GRAMD1C: variants seen among roughly 807,000 people sequenced by gnomAD.
GRAMD1C encodes the protein GRAM domain containing 1C.
In GRAMD1C, 89 loss-of-function variants were observed where a neutral mutation model predicts 97.8. The ratio of observed to expected loss-of-function variants is 0.91; its 90% CI spans 0.77 to 1.09. The LOEUF is 1.09. GRAMD1C is among the 50% of genes least tolerant of loss of function. The pLI, the probability that GRAMD1C is intolerant of heterozygous loss-of-function variation, is 0.00. For missense variants in GRAMD1C, 740 were observed against 766.4 expected (o/e 0.97, Z 0.41); for synonymous variants, 256 against 267.0 (o/e 0.96, Z 0.40).
In GRAMD1C at chr3:113,930,733, G is replaced by A; in HGVS notation, c.1110G>A (p.Trp370Ter). Reference sequence around the variant, plus strand: ...TGTTAGATGTAGTATCTACCCCTTGGACTGCAGAACTTGGAGGTGATCAGC... The same window carrying A: ...TGTTAGATGTAGTATCTACCCCTTGAACTGCAGAACTTGGAGGTGATCAGC... The part of the protein sequence containing the change: ...RNIIDVVSTP[W>*]TAELGGDQLR... The change falls in exon 11 of 18, where the codon TGG (tryptophan) becomes TGA (stop). Residue 370 changes from tryptophan (W) to a stop codon, truncating the protein, a stop_gained. Coordinates refer to ENST00000358160, the MANE Select transcript of GRAMD1C (RefSeq NM_017577.5). LOFTEE classifies it high-confidence loss of function. 6.3e-7 allele frequency: 1 copy of A among 1,597,792 alleles called. No individual in the cohort carries two copies. The highest frequency in any genetic ancestry group is 8.6e-7 in the Non-Finnish European group (1 of 1,165,108).
chr3:113,871,667 C>A (rs13098409), intron 3 of GRAMD1C, among the ~76,000 whole-genome samples: 45,749 of 146,272 alleles, frequency 0.31, 7,907 homozygotes, highest in Admixed American at 0.4. Flanking sequence ...ATGGTGTGAA[C>A]CTGGGAGGCG....
chr3:113,919,984 G>T (rs1025750358), intron 10 of GRAMD1C: 1 of 669,444 alleles, frequency 1.5e-6, no homozygotes, highest in Non-Finnish European at 2.8e-6. Flanking sequence ...AGTGGGATAT[G>T]ACCCTACTCC....
chr3:113,884,924 C>T (rs1460615503), intron 6 of GRAMD1C, among the ~76,000 whole-genome samples: 6 of 135,448 alleles, frequency 4.4e-5, no homozygotes, highest in African/African-American at 1.7e-4. Flanking sequence ...TCCCTTTTCC[C>T]TTCCTCCCTT....
chr3:113,911,973 C>T (rs9842897), intron 9 of GRAMD1C, among the ~76,000 whole-genome samples: 31,275 of 151,766 alleles, frequency 0.21, 3,222 homozygotes, highest in African/African-American at 0.24. Flanking sequence ...GTGATCAGCC[C>T]GCCTCGGCCT....
chr3:113,945,650 G>C lies in GRAMD1C; in HGVS notation c.*172G>C, dbSNP rs1938036790. 1.8e-6 allele frequency: 1 copy of C among 545,644 alleles called. No individual in the cohort carries two copies. The highest frequency in any genetic ancestry group is 2.0e-5 in the African/African-American group (1 of 51,136). 33.8% of individuals were successfully genotyped at this position (545,644 alleles called of 1,614,324 possible). ...ATTTATTTGATAATTAGTTTCTGCT[G>C]GCCTTAATAATCCATCCTTTCACTT... On this transcript the variant is annotated 3_prime_UTR_variant, in exon 18 of 18. Coordinates refer to ENST00000358160, the MANE Select transcript of GRAMD1C (RefSeq NM_017577.5).
intron 10 of GRAMD1C, among the ~76,000 whole-genome samples, chr3:113,916,947 G>T: frequency 6.6e-6 from 1 of 152,050 alleles, no homozygotes; most frequent in African/African-American, 2.4e-5. Context: ...CCAGGAGTTT[G>T]AGACCAGCCT....
intron 3 of GRAMD1C, among the ~76,000 whole-genome samples, chr3:113,872,798 A>G (rs1052768886): frequency 2.9e-4 from 43 of 150,340 alleles, no homozygotes; most frequent in Middle Eastern, 3.2e-3. Context: ...GACGCTGGGC[A>G]TGGTGGCTCA....
At chr3:113,887,085 G>GTTTTTTTTTTTTT (rs531763397) in intron 6 of GRAMD1C, among the ~76,000 whole-genome samples, 2 of 71,454 alleles carry the variant, frequency 2.8e-5, no homozygotes, top group African/African-American at 4.5e-5. Flanking sequence ...TGGCCTTTTT[G>GTTTTTTTTTTTTT]TTTTTTTTTT....
rs368129829 is a variant in GRAMD1C at position 113,917,267 on chromosome 3, T to G, written c.1090+1429T>G. ...AATTAGAATGCAGCAGCAGCAGAGATTCATATAAAGTGAGTCATTTGACAT... is the reference window on the plus strand; with the variant it reads ...AATTAGAATGCAGCAGCAGCAGAGAGTCATATAAAGTGAGTCATTTGACAT... On this transcript the variant is annotated intron_variant, in intron 10 of 17. Transcript: ENST00000358160. 3.9e-5 allele frequency among the ~76,000 whole-genome samples: 6 copies of G among 152,234 alleles called. No individual in the cohort carries two copies. In the East Asian group the frequency reaches 7.7e-4, roughly 19 times the overall value.
At chr3:113,856,647 C>T (rs1040938272) in intron 2 of GRAMD1C, among the ~76,000 whole-genome samples, 5 of 152,118 alleles carry the variant, frequency 3.3e-5, no homozygotes, top group Admixed American at 2.6e-4. Context: ...TCAAGCAATT[C>T]TCCCATATGA....
chr3:113,854,758 A>C (rs1470452048), intron 2 of GRAMD1C, among the ~76,000 whole-genome samples: 1 of 152,202 alleles, frequency 6.6e-6, no homozygotes, highest in South Asian at 2.1e-4. Flanking sequence ...CTTTTTGGGG[A>C]AAAACATAAC....
At chr3:113,908,712 T>G (rs188440169) in intron 8 of GRAMD1C, among the ~76,000 whole-genome samples, 2 of 152,332 alleles carry the variant, frequency 1.3e-5, no homozygotes, top group Admixed American at 1.3e-4. Context: ...AGCTCTTTTA[T>G]ATGGTGTTTT....
At position 113,866,059 on chromosome 3, in the gene GRAMD1C, T is replaced by A. The variant is rs558638357; in HGVS notation, c.175-3448T>A. 4.6e-5 allele frequency among the ~76,000 whole-genome samples: 7 copies of A among 152,350 alleles called. No homozygotes were observed. The South Asian group carries it at 1.2e-3, about 27-fold the overall frequency. ...CTTGAAAAAAATGTGTATTTTGCAG[T>A]TGTTGGATGGAGTGTTTTATAAATG... On this transcript the variant is annotated intron_variant, in intron 2 of 17. Transcript: ENST00000358160.
Position 113,861,935 on chromosome 3 carries a change from A to T in GRAMD1C, c.175-7572A>T, listed in dbSNP as rs139543989. On this transcript the variant is annotated intron_variant, in intron 2 of 17. Transcript: ENST00000358160. ...GTGTCCGGGGGAGACATCACATGTC[A>T]GCAGGTTCTGTGATGCCCTCGAGCC... 5.6e-3 allele frequency among the ~76,000 whole-genome samples: 858 copies of T among 152,278 alleles called. 13 individuals carry two copies. Among genetic ancestry groups the T allele is most frequent in the African/African-American group, 0.019 (802 of 41,562 alleles).
At position 113,855,284 on chromosome 3, in the gene GRAMD1C, C is replaced by T. The variant is rs549003632; in HGVS notation, c.174+10635C>T. ...CGAGATCATGCCATTGCAGTCCAGC[C>T]TGGGTAACAAGATCAAAACTCTGTC... is the stretch of plus-strand genomic sequence containing the variant. On this transcript the variant is annotated intron_variant, in intron 2 of 17. Coordinates refer to ENST00000358160, the MANE Select transcript of GRAMD1C (RefSeq NM_017577.5). Among the ~76,000 whole-genome samples the T allele has an allele frequency of 1.2e-4, 19 of 152,194 alleles. No homozygotes were observed. In the South Asian group the frequency reaches 3.9e-3, roughly 32 times the overall value.
upstream of GRAMD1C, among the ~76,000 whole-genome samples, chr3:113,837,026 T>C (rs1479516617): frequency 1.3e-5 from 2 of 152,226 alleles, no homozygotes; most frequent in Admixed American, 6.5e-5. Context: ...TCAACTCTAA[T>C]AGCCATTTCA....
chr3:113,936,570 T>G (rs1937582662), intron 14 of GRAMD1C, 128 bp downstream of exon 14: 1 of 589,458 alleles, frequency 1.7e-6, no homozygotes, highest in East Asian at 2.9e-5. Context: ...ATAATGTTTA[T>G]CAAACTCTGA....
At position 113,936,447 on chromosome 3, in the gene GRAMD1C, T is replaced by A; in HGVS notation, c.1633+5T>A. 6.4e-7 allele frequency: 1 copy of A among 1,572,402 alleles called. No homozygotes were observed. Among genetic ancestry groups the A allele is most frequent in the Non-Finnish European group, 8.7e-7 (1 of 1,151,766 alleles). ...GTGCCAAAGGGGATATTACAGGTAG[T>A]TGTCACCTGGTAAACAGAGATGAAA... On this transcript the variant is annotated splice_donor_5th_base_variant and intron_variant, in intron 14 of 17. Transcript: ENST00000358160.
chr3:113,910,529 G>A (rs1194760015), intron 9 of GRAMD1C, among the ~76,000 whole-genome samples: 1 of 152,162 alleles, frequency 6.6e-6, no homozygotes, highest in African/African-American at 2.4e-5. Flanking sequence ...TTCACATTTT[G>A]TATTGTAATC....
Sources: gnomAD v4.1 joint callset for allele counts (sites outside exome capture counted in the v4.1 genomes callset) on GRCh38, gnomAD v4.1.1 for gene constraint, MANE v1.5 for transcripts, NCBI Gene and HGNC (gene_info 2026-07-23, HGNC 2026-07-21) for gene names.